ERCC6: variants seen among roughly 807,000 people sequenced by gnomAD.
ERCC6 encodes the protein ERCC excision repair 6, chromatin remodeling factor, also known as DNA excision repair protein ERCC-6.
A neutral mutation model predicts 158.7 loss-of-function variants in ERCC6; 116 were observed. The ratio of observed to expected loss-of-function variants is 0.73; its 90% CI spans 0.63 to 0.85. The LOEUF (loss-of-function observed/expected upper bound fraction) is 0.85. ERCC6 is among the 40% of genes least tolerant of loss of function. The probability of loss-of-function intolerance (pLI) is 0.00; values close to 1 mark genes in which losing one functional copy is unlikely to be tolerated. For synonymous variants in ERCC6, 678 were observed against 659.3 expected (o/e 1.03, Z -0.43); for missense variants, 1,698 against 1,799.4 (o/e 0.94, Z 1.02).
At chr10:49,478,538 A>C in intron 10 of ERCC6, 68 bp from the exon 11 acceptor site, 1 of 918,056 alleles carries the variant, frequency 1.1e-6, no homozygotes, top group Non-Finnish European at 1.8e-6. Flanking sequence ...CTTACCTCTC[A>C]ATTGCTTCCA....
intron 8 of ERCC6, among the ~76,000 whole-genome samples, chr10:49,485,237 G>C (rs1236840182): frequency 3.9e-5 from 6 of 152,210 alleles, no homozygotes; most frequent in African/African-American, 1.4e-4. Context: ...TGAGGGAACT[G>C]GGGCTTGGAA....
intron 6 of ERCC6, chr10:49,501,990 A>G (rs919341517): frequency 3.3e-5 from 5 of 152,118 alleles, no homozygotes; most frequent in African/African-American, 4.8e-5. Context: ...GATGCAAGAT[A>G]AGGCATTTTT....
At chr10:49,537,625 T>C (rs574163356) in intron 1 of ERCC6, among the ~76,000 whole-genome samples, 1 of 152,080 alleles carries the variant, frequency 6.6e-6, no homozygotes, top group East Asian at 1.9e-4. Flanking sequence ...GAGGTAGATG[T>C]GGGGTCAAGG....
Position 49,532,650 on chromosome 10 carries a change from C to A in ERCC6, c.315G>T (p.Leu105=), listed in dbSNP as rs761031098. The A allele has an allele frequency of 6.2e-7, 1 of 1,614,220 alleles. No homozygotes were observed. The highest frequency in any genetic ancestry group is 8.5e-7 in the Non-Finnish European group (1 of 1,180,036). ...CCACCTGCTGAAGCACTCCCTGTTCCAGCACGTCCTGGTCATAGACGTCCA... is the reference window on the plus strand; with the variant it reads ...CCACCTGCTGAAGCACTCCCTGTTCAAGCACGTCCTGGTCATAGACGTCCA... ...LGVDVYDQDV[L]EQGVLQQVDN... Residue 105 remains leucine (L), a synonymous_variant, in exon 2 of 21, where the codon CTG becomes CTT. Coordinates refer to ENST00000355832, the MANE Select transcript of ERCC6 (RefSeq NM_000124.4).
In ERCC6 at chr10:49,500,570, G is replaced by GA; in HGVS notation, c.1652_1653insT (p.Ser552GlnfsTer13). Reference sequence around the variant, plus strand: ...TTGAACCACGAGTCCTGATCTTGCTGTAGCTCAGACCTGCCAAGAAGGCAA... The same window carrying GA: ...TTGAACCACGAGTCCTGATCTTGCTGATAGCTCAGACCTGCCAAGAAGGCAA... On this transcript the variant is annotated frameshift_variant, in exon 7 of 21. Coordinates refer to ENST00000355832, the MANE Select transcript of ERCC6 (RefSeq NM_000124.4). LOFTEE classifies it high-confidence loss of function. 1 of 1,613,964 alleles carries GA rather than the reference G, an allele frequency of 6.2e-7. No individual in the cohort carries two copies. Among genetic ancestry groups the GA allele is most frequent in the Non-Finnish European group, 8.5e-7 (1 of 1,179,880 alleles).
At chr10:49,462,709 T>TA (rs1282714770) in intron 18 of ERCC6, among the ~76,000 whole-genome samples, 2 of 152,118 alleles carry the variant, frequency 1.3e-5, no homozygotes, top group Non-Finnish European at 2.9e-5. Context: ...TTTTTAAATA[T>TA]AAATGGTCCT....
rs551092698 is a variant in ERCC6, at chr10:49,476,319, G to A, written c.2287-9C>T. 2.8e-5 allele frequency: 45 copies of A among 1,594,126 alleles called. No individual in the cohort carries two copies. Among genetic ancestry groups the A allele is most frequent in the East Asian group, 8.9e-5 (4 of 44,776 alleles). Reference sequence around the variant, plus strand: ...AGACGGCAAAATAAGACCTACGGACGGGAAAAACAAGGAAACTATAATTTC... The same window carrying A: ...AGACGGCAAAATAAGACCTACGGACAGGAAAAACAAGGAAACTATAATTTC... On this transcript the variant is annotated splice_polypyrimidine_tract_variant and intron_variant, in intron 11 of 20. Transcript: ENST00000355832.
chr10:49,528,544 A>C lies in ERCC6; in HGVS notation c.544-19T>G, dbSNP rs1476589819. On this transcript the variant is annotated intron_variant, in intron 3 of 20. Coordinates refer to ENST00000355832, the MANE Select transcript of ERCC6 (RefSeq NM_000124.4). ...GTTGTTCCTTGAATGGTAAATATAG[A>C]AGACAGAAAACAGCAATGAAGTGAT... 1 of 1,613,856 alleles carries C rather than the reference A, an allele frequency of 6.2e-7. No individual in the cohort carries two copies. Among genetic ancestry groups the C allele is most frequent in the Non-Finnish European group, 8.5e-7 (1 of 1,179,790 alleles).
rs1380724817 is a variant in ERCC6, at chr10:49,534,448, C to A, written c.-14-1470G>T. Among the ~76,000 whole-genome samples the A allele has an allele frequency of 2.0e-5, 3 of 152,166 alleles. No homozygotes were observed. In the East Asian group the frequency reaches 5.8e-4, roughly 29 times the overall value. Reference sequence around the variant, plus strand: ...CATTTTTAATAGTTTAATGTAACTACTAAGTATATTCTGTATACTGATATA... The same window carrying A: ...CATTTTTAATAGTTTAATGTAACTAATAAGTATATTCTGTATACTGATATA... On this transcript the variant is annotated intron_variant, in intron 1 of 20. Coordinates refer to ENST00000355832, the MANE Select transcript of ERCC6 (RefSeq NM_000124.4).
At chr10:49,530,926 C>T in intron 2 of ERCC6, 86 bp from the exon 3 acceptor site, 2 of 1,544,086 alleles carry the variant, frequency 1.3e-6, no homozygotes, top group Non-Finnish European at 1.7e-6. Context: ...AAAACATGTC[C>T]CTTTTACTTC....
rs1851238120 is a variant in ERCC6 at position 49,494,897 on chromosome 10, G to A, written c.1686-1645C>T. Among the ~76,000 whole-genome samples the A allele has an allele frequency of 2.0e-5, 3 of 152,326 alleles. No homozygotes were observed. The South Asian group carries it at 6.2e-4, about 32-fold the overall frequency. ...TCCCTGAAGACATCATTGAGCTGCT[G>A]ATCATGCTGTGTCCACAGCCTCCCC... On this transcript the variant is annotated intron_variant, in intron 7 of 20. Transcript: ENST00000355832.
rs1026438103 is a variant in ERCC6 at position 49,482,796 on chromosome 10, G to A, written c.2060C>T (p.Ser687Leu). 7.4e-6 allele frequency: 12 copies of A among 1,613,862 alleles called. No individual in the cohort carries two copies. The highest frequency in any genetic ancestry group is 1.1e-5 in the South Asian group (1 of 91,058). ...PMQNNLRELW[S>L]LFDFIFPGKL... Reference sequence around the variant, plus strand: ...TCCCGGGAAGATGAAGTCAAAGAGCGACCACAGCTCTCGGAGGTTATTTTG... The same window carrying A: ...TCCCGGGAAGATGAAGTCAAAGAGCAACCACAGCTCTCGGAGGTTATTTTG... Residue 687 changes from serine (S) to leucine (L), a missense_variant, in exon 10 of 21, where the codon TCG (serine) becomes TTG (leucine). Coordinates refer to ENST00000355832, the MANE Select transcript of ERCC6 (RefSeq NM_000124.4).
intron 10 of ERCC6, among the ~76,000 whole-genome samples, chr10:49,480,869 G>T (rs536525906): frequency 6.6e-6 from 1 of 152,258 alleles, no homozygotes; most frequent in Admixed American, 6.5e-5. Flanking sequence ...AAACTAACAG[G>T]CCTATAGTCT....
intron 7 of ERCC6, among the ~76,000 whole-genome samples, chr10:49,500,156 A>C (rs1346976136): frequency 6.6e-6 from 1 of 152,242 alleles, no homozygotes. Flanking sequence ...AAAATTTAAT[A>C]AATGGAACTA....
intron 9 of ERCC6, 110 bp downstream of exon 9, chr10:49,483,236 C>T: frequency 8.7e-7 from 1 of 1,144,774 alleles, no homozygotes; most frequent in Non-Finnish European, 1.3e-6. Flanking sequence ...ATTTCTTGTG[C>T]AGTTGGCACA....
At position 49,474,242 on chromosome 10, in the gene ERCC6, T is replaced by C; in HGVS notation, c.2383A>G (p.Ile795Val). Reference protein sequence around the residue: ...VYRILNGEMQIFSGLIALRKI... With the variant: ...VYRILNGEMQVFSGLIALRKI... ...CTTAGGGCTATAAGTCCGGAGAAAATCTGTGGTAAGAAAGAGTACATGTAC... is the reference window on the plus strand; with the variant it reads ...CTTAGGGCTATAAGTCCGGAGAAAACCTGTGGTAAGAAAGAGTACATGTAC... The change falls in exon 13 of 21, where the codon ATT becomes GTT. Residue 795 changes from isoleucine to valine, a missense_variant and splice_region_variant. Transcript: ENST00000355832. 6.2e-7 allele frequency: 1 copy of C among 1,612,954 alleles called. No homozygotes were observed. The highest frequency in any genetic ancestry group is 8.5e-7 in the Non-Finnish European group (1 of 1,179,062).
At chr10:49,516,811 A>G in intron 5 of ERCC6, 13 of 1,614,062 alleles carry the variant, frequency 8.1e-6, no homozygotes, top group Non-Finnish European at 1.0e-5. Flanking sequence ...CTCCTCCTTG[A>G]TGGTGGAGGT....
At chr10:49,497,142 T>C (rs1851280461) in intron 7 of ERCC6, among the ~76,000 whole-genome samples, 1 of 152,216 alleles carries the variant, frequency 6.6e-6, no homozygotes, top group Non-Finnish European at 1.5e-5. Context: ...TTCTAAGCCA[T>C]GCTCCTCACC....
intron 1 of ERCC6, among the ~76,000 whole-genome samples, chr10:49,537,683 T>C (rs941514123): frequency 6.6e-6 from 1 of 151,984 alleles, no homozygotes; most frequent in Non-Finnish European, 1.5e-5. Context: ...AGGTCGAAAG[T>C]AAAGTGAACG....
Sources: gnomAD v4.1 joint callset for allele counts (sites outside exome capture counted in the v4.1 genomes callset) on GRCh38, gnomAD v4.1.1 for gene constraint, MANE v1.5 for transcripts, NCBI Gene and HGNC (gene_info 2026-07-23, HGNC 2026-07-21) for gene names.